RALGAPA1: variants seen among roughly 807,000 people sequenced by gnomAD.
RALGAPA1 encodes Ral GTPase activating protein catalytic subunit alpha 1, also known as ral GTPase-activating protein subunit alpha-1.
Under a neutral mutation model 269.6 loss-of-function variants are expected in RALGAPA1, and 52 were observed. The ratio of observed to expected loss-of-function variants is 0.19; its 90% CI spans 0.15 to 0.24. The LOEUF (loss-of-function observed/expected upper bound fraction) is 0.24, where lower values mean the gene tolerates loss of function less well. RALGAPA1 is among the 10% of genes least tolerant of loss of function. The pLI, the probability that RALGAPA1 is intolerant of heterozygous loss-of-function variation, is 1.00. For synonymous variants in RALGAPA1, 817 were observed against 1,008.3 expected, an observed-to-expected ratio of 0.81 and a Z score of 3.60; for missense variants, 1,917 against 3,013.9, an observed-to-expected ratio of 0.64 and a Z score of 8.52.
intron 33 of RALGAPA1, among the ~76,000 whole-genome samples, chr14:35,634,003 T>C (rs2061511222): frequency 6.6e-6 from 1 of 152,164 alleles, no homozygotes; most frequent in Admixed American, 6.5e-5. Context: ...AAACTAATAT[T>C]TGCATTTTAC....
At chr14:35,580,854 G>A (rs1442817873) in intron 37 of RALGAPA1, among the ~76,000 whole-genome samples, 2 of 152,030 alleles carry the variant, frequency 1.3e-5, no homozygotes, top group Admixed American at 6.6e-5. Flanking sequence ...ACTGACTGTC[G>A]ACTATCTAAT....
At chr14:35,796,869 C>A (rs1268506437) in intron 1 of RALGAPA1, among the ~76,000 whole-genome samples, 1 of 151,820 alleles carries the variant, frequency 6.6e-6, no homozygotes, top group Non-Finnish European at 1.5e-5. Context: ...CTCACTGCAA[C>A]CTCTGCCTCC....
chr14:35,808,529 A>C (rs1227178401), intron 1 of RALGAPA1, among the ~76,000 whole-genome samples: 1 of 152,176 alleles, frequency 6.6e-6, no homozygotes, highest in Non-Finnish European at 1.5e-5. Context: ...TCAAAATTAG[A>C]TTACTGTGTT....
intron 31 of RALGAPA1, among the ~76,000 whole-genome samples, chr14:35,645,482 C>G (rs1051569531): frequency 1.3e-5 from 2 of 151,832 alleles, no homozygotes; most frequent in Non-Finnish European, 1.5e-5. Context: ...TGTAATCCCA[C>G]CACTTTGGGA....
intron 1 of RALGAPA1, among the ~76,000 whole-genome samples, chr14:35,779,165 C>T (rs2141607327): frequency 6.6e-6 from 1 of 152,174 alleles, no homozygotes; most frequent in East Asian, 1.9e-4. Context: ...GCACATACAA[C>T]TGAAATAAAG....
At chr14:35,581,323 G>A (rs1050818412) in intron 37 of RALGAPA1, among the ~76,000 whole-genome samples, 1 of 152,038 alleles carries the variant, frequency 6.6e-6, no homozygotes, top group Non-Finnish European at 1.5e-5. Context: ...AGTATATAGA[G>A]AAATCAATGT....
intron 19 of RALGAPA1, among the ~76,000 whole-genome samples, chr14:35,685,543 G>A (rs28730443): frequency 0.17 from 26,300 of 151,984 alleles, 2,603 homozygotes; most frequent in African/African-American, 0.27. Flanking sequence ...AGCCTAAAAA[G>A]AAAGGGGCGG....
intron 14 of RALGAPA1, among the ~76,000 whole-genome samples, chr14:35,724,814 T>C (rs2069738269): frequency 6.6e-6 from 1 of 152,222 alleles, no homozygotes; most frequent in Admixed American, 6.5e-5. Flanking sequence ...CTAGGTTTTA[T>C]GTATGGCAAA....
intron 1 of RALGAPA1, among the ~76,000 whole-genome samples, chr14:35,786,171 A>C (rs1193351367): frequency 6.6e-6 from 1 of 152,050 alleles, no homozygotes; most frequent in Non-Finnish European, 1.5e-5. Flanking sequence ...AGAAAAAAAA[A>C]CATAAGAGAA....
At chr14:35,688,376 T>C (rs755824290) in intron 18 of RALGAPA1, 83 bp downstream of exon 18, 7 of 1,481,426 alleles carry the variant, frequency 4.7e-6, no homozygotes, top group Non-Finnish European at 6.4e-6. Flanking sequence ...AGCTTTTTGA[T>C]TGCTTATAGC....
intron 17 of RALGAPA1, among the ~76,000 whole-genome samples, chr14:35,697,820 A>G (rs1192349653): frequency 1.3e-5 from 2 of 152,084 alleles, no homozygotes; most frequent in Admixed American, 1.3e-4. Context: ...GAAAGGAGGG[A>G]TTTTGCTATT....
At chr14:35,634,548 AT>A (rs886199719) in intron 33 of RALGAPA1, 25 bp downstream of exon 33, 6 of 1,575,614 alleles carry the variant, frequency 3.8e-6, no homozygotes, top group African/African-American at 1.4e-5. Context: ...AAGCAACAAT[AT>A]TGTCCTGAAC....
At chr14:35,681,004 T>C (rs1279481688) in intron 21 of RALGAPA1, among the ~76,000 whole-genome samples, 1 of 152,212 alleles carries the variant, frequency 6.6e-6, no homozygotes, top group Admixed American at 6.5e-5. Flanking sequence ...ACTATTCCTA[T>C]AATGATATTC....
chr14:35,663,704 C>T (rs1187160390), intron 27 of RALGAPA1, among the ~76,000 whole-genome samples: 6 of 151,922 alleles, frequency 3.9e-5, no homozygotes, highest in Non-Finnish European at 5.9e-5. Context: ...ATTCTCCTGC[C>T]TCAGCCTCCC....
At chr14:35,722,536 TGGGA>T (rs2069515329) in intron 15 of RALGAPA1, among the ~76,000 whole-genome samples, 1 of 151,050 alleles carries the variant, frequency 6.6e-6, no homozygotes. Flanking sequence ...CCCTTGAGCC[TGGGA>T]GGTCGAGGCT....
At chr14:35,561,507 T>A (rs1424745379) in intron 39 of RALGAPA1, among the ~76,000 whole-genome samples, 1 of 35,466 alleles carries the variant, frequency 2.8e-5, no homozygotes, top group African/African-American at 1.6e-4. Context: ...AATATAGGAG[T>A]TTTTTTTTTT....
chr14:35,774,178 G>A (rs959920152), intron 3 of RALGAPA1, among the ~76,000 whole-genome samples: 1 of 151,980 alleles, frequency 6.6e-6, no homozygotes, highest in Non-Finnish European at 1.5e-5. Flanking sequence ...CTCAGCCTCC[G>A]AAAGTGCAGG....
intron 38 of RALGAPA1, among the ~76,000 whole-genome samples, chr14:35,572,353 AAC>A (rs1309474558): frequency 3.9e-5 from 6 of 152,162 alleles, no homozygotes; most frequent in Admixed American, 3.3e-4. Context: ...CCTCCATTTA[AAC>A]ACAGTTTCTT....
intron 26 of RALGAPA1, among the ~76,000 whole-genome samples, chr14:35,668,400 T>C (rs1391913238): frequency 6.6e-6 from 1 of 152,030 alleles, no homozygotes; most frequent in Non-Finnish European, 1.5e-5. Flanking sequence ...AAAGAATCAC[T>C]TGAACCTGGG....
Sources: allele counts gnomAD v4.1 joint callset (sites outside exome capture counted in the v4.1 genomes callset), GRCh38; gene constraint gnomAD v4.1.1; transcripts MANE v1.5; gene names NCBI Gene and HGNC (gene_info 2026-07-23, HGNC 2026-07-21).